The following CNTN4 variants were observed in gnomAD, a reference collection of about 807,000 sequenced individuals.
The protein encoded by CNTN4 is contactin-4.
In CNTN4, 77 loss-of-function variants were observed where a neutral mutation model predicts 122.5. That is an observed-to-expected ratio of 0.63 (90% CI 0.52 to 0.76). CNTN4 has a LOEUF of 0.76. CNTN4 is among the 30% of genes least tolerant of loss of function. The pLI, the probability that CNTN4 is intolerant of heterozygous loss-of-function variation, is 0.00. For synonymous variants in CNTN4, 512 were observed against 447.0 expected, an observed-to-expected ratio of 1.15 and a Z score of -1.83; for missense variants, 1,256 against 1,259.1, an observed-to-expected ratio of 1.00 and a Z score of 0.04.
chr3:2,322,402 A>T (rs1446887740), intron 2 of CNTN4, among the ~76,000 whole-genome samples: 2 of 152,134 alleles, frequency 1.3e-5, no homozygotes, highest in African/African-American at 4.8e-5. Context: ...ACATGGACGC[A>T]CCTTGAAAAC....
At chr3:2,171,108 C>T (rs73098004) in intron 2 of CNTN4, among the ~76,000 whole-genome samples, 1 of 152,104 alleles carries the variant, frequency 6.6e-6, no homozygotes, top group Non-Finnish European at 1.5e-5. Context: ...CTGTAAAACA[C>T]GAATTCTTTA....
At chr3:2,394,037 A>C (rs1502565) in intron 3 of CNTN4, among the ~76,000 whole-genome samples, 1 of 152,110 alleles carries the variant, frequency 6.6e-6, no homozygotes, top group Non-Finnish European at 1.5e-5. Flanking sequence ...TAAGACTCCA[A>C]TGTTGGTCAG....
chr3:2,938,788 A>T (rs1242939606), intron 13 of CNTN4, among the ~76,000 whole-genome samples: 2 of 152,310 alleles, frequency 1.3e-5, no homozygotes, highest in Admixed American at 6.5e-5. Context: ...AACCCTTTGG[A>T]GAAGAGGTAA....
chr3:2,407,501 C>A (rs1003908988), intron 3 of CNTN4, among the ~76,000 whole-genome samples: 5 of 151,956 alleles, frequency 3.3e-5, no homozygotes, highest in African/African-American at 1.2e-4. Flanking sequence ...AAAAATGCCT[C>A]AAAACATATA....
chr3:2,937,131 T>C (rs1009381584), intron 13 of CNTN4, among the ~76,000 whole-genome samples: 2 of 152,228 alleles, frequency 1.3e-5, no homozygotes, highest in Admixed American at 1.3e-4. Context: ...GTTTTTTGTT[T>C]GTTTTTGGTT....
At chr3:2,367,835 C>T (rs9876065) in intron 3 of CNTN4, among the ~76,000 whole-genome samples, 103,604 of 151,722 alleles carry the variant, frequency 0.68, 36,060 homozygotes, top group East Asian at 0.85. Context: ...TCTCTGTAAC[C>T]CCTAACAACG....
chr3:2,580,561 G>T (rs145256458), intron 4 of CNTN4, among the ~76,000 whole-genome samples: 6 of 152,088 alleles, frequency 3.9e-5, no homozygotes, highest in Non-Finnish European at 8.8e-5. Flanking sequence ...CTCTCCACAC[G>T]CAAACTCCCC....
intron 4 of CNTN4, among the ~76,000 whole-genome samples, chr3:2,680,712 A>G (rs547817564): frequency 1.3e-5 from 2 of 152,324 alleles, no homozygotes; most frequent in African/African-American, 4.8e-5. Flanking sequence ...TTTTTGAAGA[A>G]TCATGACATG....
chr3:2,851,041 AG>A (rs1275102842), intron 7 of CNTN4, among the ~76,000 whole-genome samples: 1 of 152,216 alleles, frequency 6.6e-6, no homozygotes, highest in Non-Finnish European at 1.5e-5. Context: ...ACAGACAAAA[AG>A]CTAGAAATCG....
chr3:2,300,609 G>T (rs1019710348), intron 2 of CNTN4, among the ~76,000 whole-genome samples: 30 of 111,960 alleles, frequency 2.7e-4, no homozygotes, highest in Admixed American at 4.3e-4. Flanking sequence ...GTCTTGCTCT[G>T]TCTCCAGGCT....
intron 6 of CNTN4, among the ~76,000 whole-genome samples, chr3:2,817,328 C>G (rs1272884672): frequency 6.6e-6 from 1 of 152,200 alleles, no homozygotes; most frequent in African/African-American, 2.4e-5. Context: ...TGCCCATGGT[C>G]AACACAGCTA....
chr3:2,268,917 G>A (rs1230907205), intron 2 of CNTN4, among the ~76,000 whole-genome samples: 2 of 151,984 alleles, frequency 1.3e-5, no homozygotes, highest in African/African-American at 2.4e-5. Context: ...ATATATGTGG[G>A]GAGAAGGAAT....
In CNTN4 at chr3:2,423,902, G is replaced by A. The variant is rs548986645; in HGVS notation, c.-89+84669G>A. On this transcript the variant is annotated intron_variant, in intron 3 of 24. Transcript: ENST00000418658. The stretch of plus-strand genomic sequence containing the variant: ...CTTGCCTTTTAATGTTTGGACACAG[G>A]AAAAGGAATATCACACACCAGGGCC... Among the ~76,000 whole-genome samples the A allele has an allele frequency of 6.4e-5, 7 of 110,052 alleles. 1 individual carries two copies. Among genetic ancestry groups the A allele is most frequent in the African/African-American group, 2.1e-4 (6 of 28,844 alleles). The allele number at this position is 110,052 out of a possible 152,430, so 72.2% of individuals were successfully genotyped here. A position where few individuals can be genotyped will look rare whatever the true frequency, so the allele number is the denominator to read the frequency against.
intron 4 of CNTN4, among the ~76,000 whole-genome samples, chr3:2,613,019 A>G (rs1292649934): frequency 6.6e-6 from 1 of 152,178 alleles, no homozygotes; most frequent in Non-Finnish European, 1.5e-5. Flanking sequence ...ACAATGTTGT[A>G]GAAGTATTTC....
chr3:2,523,345 G>A (rs181928298), intron 3 of CNTN4, among the ~76,000 whole-genome samples: 1,704 of 129,094 alleles, frequency 0.013, 13 homozygotes, highest in Non-Finnish European at 0.017. Context: ...TCTCAGGAAA[G>A]CAAGAGACCT....
intron 4 of CNTN4, 34 bp from the exon 5 acceptor site, chr3:2,736,172 GGAAGGGATT>G (rs1200159836): frequency 6.3e-7 from 1 of 1,597,638 alleles, no homozygotes. Context: ...GTTCCTATTT[GGAAGGGATT>G]CTTCATTTTG....
intron 13 of CNTN4, chr3:2,927,496 C>G: frequency 3.3e-6 from 1 of 305,002 alleles, no homozygotes. Context: ...TGCAACTCAG[C>G]AGGGAAATAT....
chr3:2,988,490 G>T lies in CNTN4; in HGVS notation c.1486+18G>T, dbSNP rs1694779968. Reference sequence around the variant, plus strand: ...AGTGAAAGGTAATGGCTAACCCAAAGAATTCGAATATTTATATATGTGTCC... The same window carrying T: ...AGTGAAAGGTAATGGCTAACCCAAATAATTCGAATATTTATATATGTGTCC... On this transcript the variant is annotated intron_variant, in intron 14 of 24. Coordinates refer to ENST00000418658, the MANE Select transcript of CNTN4 (RefSeq NM_175607.3). 6.2e-7 allele frequency: 1 copy of T among 1,613,124 alleles called. No individual in the cohort carries two copies. Among genetic ancestry groups the T allele is most frequent in the Admixed American group, 1.7e-5 (1 of 59,978 alleles).
intron 4 of CNTN4, among the ~76,000 whole-genome samples, chr3:2,592,115 G>A (rs1465353334): frequency 6.6e-6 from 1 of 151,938 alleles, no homozygotes; most frequent in Non-Finnish European, 1.5e-5. Flanking sequence ...TCCTGGCCTC[G>A]AGCAGTCCTC....
Sources: allele counts gnomAD v4.1 joint callset (sites outside exome capture counted in the v4.1 genomes callset), GRCh38; gene constraint gnomAD v4.1.1; transcripts MANE v1.5; gene names NCBI Gene and HGNC (gene_info 2026-07-23, HGNC 2026-07-21).